The following FARP1 variants were observed in gnomAD, a reference collection of about 807,000 sequenced individuals.
FARP1 encodes the protein FERM, ARH/RhoGEF and pleckstrin domain protein 1, also known as FERM, ARHGEF and pleckstrin domain-containing protein 1.
Under a neutral mutation model 128.8 loss-of-function variants are expected in FARP1, and 52 were observed. That is an observed-to-expected ratio of 0.40 (90% confidence interval 0.32 to 0.51). FARP1 has a LOEUF of 0.51. Ranked by LOEUF, FARP1 falls within the 20% of genes least tolerant of loss-of-function variation. The probability of loss-of-function intolerance (pLI) is 0.45; values close to 1 mark genes in which losing one functional copy is unlikely to be tolerated. For synonymous variants in FARP1, 580 were observed against 551.8 expected, an observed-to-expected ratio of 1.05 and a Z score of -0.72; for missense variants, 1,333 against 1,367.9, an observed-to-expected ratio of 0.97 and a Z score of 0.40.
intron 4 of FARP1, among the ~76,000 whole-genome samples, chr13:98,367,313 C>T (rs550103214): frequency 2.6e-5 from 4 of 152,134 alleles, no homozygotes; most frequent in Admixed American, 6.6e-5. Context: ...CCCGCCACCA[C>T]GCCTGACTAA....
At chr13:98,327,354 G>C (rs1594406535) in intron 2 of FARP1, among the ~76,000 whole-genome samples, 1 of 151,944 alleles carries the variant, frequency 6.6e-6, no homozygotes. Context: ...TCTTACATTT[G>C]CCTTCAATTT....
At chr13:98,348,242 T>G (rs1301007878) in intron 3 of FARP1, among the ~76,000 whole-genome samples, 1 of 152,246 alleles carries the variant, frequency 6.6e-6, no homozygotes, top group East Asian at 1.9e-4. Context: ...TTGGCTCTTG[T>G]CCTGCTCTTG....
intron 26 of FARP1, chr13:98,448,008 T>C (rs4772081): frequency 0.77 from 436,939 of 569,882 alleles, 170,225 homozygotes; most frequent in Non-Finnish European, 0.83. Context: ...GCAGTGTCAC[T>C]GCAGCAAGGT....
At chr13:98,151,389 T>C (rs1354854698) in intron 1 of FARP1, among the ~76,000 whole-genome samples, 1 of 152,116 alleles carries the variant, frequency 6.6e-6, no homozygotes, top group East Asian at 1.9e-4. Flanking sequence ...AGTTTCTCTG[T>C]TTTGGTAGTA....
intron 3 of FARP1, among the ~76,000 whole-genome samples, chr13:98,360,028 G>C (rs888143797): frequency 1.3e-5 from 2 of 151,078 alleles, no homozygotes; most frequent in African/African-American, 4.9e-5. Context: ...CTCCAAAATT[G>C]TGTGTGTTGA....
At position 98,454,061 on chromosome 13, in the gene FARP1, C is replaced by G. The variant is rs1893333065; in HGVS notation, c.*5744C>G. 1 of 152,090 alleles carries G rather than the reference C, an allele frequency of 6.6e-6. No homozygotes were observed. 9.4% of individuals were successfully genotyped at this position (152,090 alleles called of 1,614,324 possible). A position where few individuals can be genotyped will look rare whatever the true frequency, so the allele number is the denominator to read the frequency against. ...GGGATATTCAGCCTGTATATGTGCACTATATAAGTATATTTACATGAACAA... is the reference window on the plus strand; with the variant it reads ...GGGATATTCAGCCTGTATATGTGCAGTATATAAGTATATTTACATGAACAA... On this transcript the variant is annotated 3_prime_UTR_variant, in exon 27 of 27. Transcript: ENST00000319562.
chr13:98,144,217 TG>T (rs202101218), intron 1 of FARP1, among the ~76,000 whole-genome samples: 2,764 of 151,486 alleles, frequency 0.018, 81 homozygotes, highest in African/African-American at 0.063. Flanking sequence ...TGTGTGTGTG[TG>T]TGTGTGTGTT....
At chr13:98,177,207 C>T (rs147920690) in intron 1 of FARP1, 2 of 1,570,234 alleles carry the variant, frequency 1.3e-6, no homozygotes, top group East Asian at 2.3e-5. Flanking sequence ...CTTGGTCGGC[C>T]GTCCTTCCTG....
At chr13:98,389,583 G>GC (rs1890229668) in intron 9 of FARP1, 2 of 170,864 alleles carry the variant, frequency 1.2e-5, no homozygotes, top group African/African-American at 4.8e-5. Flanking sequence ...GATGAACGTT[G>GC]CGTTTCAGTG....
chr13:98,397,191 T>C (rs1890581966), intron 13 of FARP1: 1 of 152,228 alleles, frequency 6.6e-6, no homozygotes, highest in Admixed American at 6.5e-5. Context: ...CATTGGTGGA[T>C]CATATTGTTA....
At chr13:98,392,589 T>C (rs1169857636) in intron 11 of FARP1, among the ~76,000 whole-genome samples, 3 of 152,182 alleles carry the variant, frequency 2.0e-5, no homozygotes, top group African/African-American at 4.8e-5. Flanking sequence ...TGCATCTTGC[T>C]TTTTTAATAC....
intron 2 of FARP1, among the ~76,000 whole-genome samples, chr13:98,214,103 C>T (rs1163792187): frequency 1.3e-5 from 2 of 152,204 alleles, no homozygotes; most frequent in Non-Finnish European, 2.9e-5. Context: ...CAGCTGGAGC[C>T]GTTGGAGCCG....
intron 24 of FARP1, chr13:98,445,887 G>A (rs1434196375): frequency 7.6e-6 from 4 of 523,006 alleles, no homozygotes; most frequent in Non-Finnish European, 1.4e-5. Flanking sequence ...GGGACCCCAA[G>A]ATGCCCCACA....
At chr13:98,236,728 G>A (rs574573696) in intron 2 of FARP1, among the ~76,000 whole-genome samples, 2 of 152,264 alleles carry the variant, frequency 1.3e-5, no homozygotes, top group Admixed American at 6.5e-5. Context: ...GGTGGCTCAC[G>A]CCTGTAATGT....
In FARP1 at chr13:98,384,761, C is replaced by CAG; in HGVS notation, c.533_534dup (p.His179SerfsTer3). 1 of 1,613,286 alleles carries CAG rather than the reference C, an allele frequency of 6.2e-7. No individual in the cohort carries two copies. Among genetic ancestry groups the CAG allele is most frequent in the Non-Finnish European group, 8.5e-7 (1 of 1,179,316 alleles). ...TTGGGGATTTTGATGAAGCCTTGGA[C>CAG]AGAGAGCACTTAGCAAAAAATAAAT... On this transcript the variant is annotated frameshift_variant, in exon 7 of 27. Coordinates refer to ENST00000319562, the MANE Select transcript of FARP1 (RefSeq NM_005766.4). LOFTEE classifies it high-confidence loss of function.
Position 98,395,487 on chromosome 13 carries a change from C to T in FARP1, c.1414+11C>T. 5 of 1,565,936 alleles carry T rather than the reference C, an allele frequency of 3.2e-6. No homozygotes were observed. The highest frequency in any genetic ancestry group is 4.3e-6 in the Non-Finnish European group (5 of 1,150,686). On this transcript the variant is annotated intron_variant, in intron 13 of 26. Transcript: ENST00000319562. ...CGCAGCCAAGCACAGGTCCAGCATC[C>T]CGGGCTGCCAGAGGCAGCAGTACTT... is the stretch of plus-strand genomic sequence containing the variant.
At chr13:98,402,507 A>AT (rs1225592292) in intron 13 of FARP1, 1 of 152,224 alleles carries the variant, frequency 6.6e-6, no homozygotes, top group Non-Finnish European at 1.5e-5. Context: ...GTTATTACTC[A>AT]TAGATGACCT....
chr13:98,172,888 C>T (rs1051444836), intron 1 of FARP1, among the ~76,000 whole-genome samples: 12 of 152,310 alleles, frequency 7.9e-5, no homozygotes, highest in South Asian at 2.1e-4. Context: ...AGCAGATCCA[C>T]GTTATTGTAC....
At chr13:98,416,098 A>G (rs191598445) in intron 16 of FARP1, among the ~76,000 whole-genome samples, 15 of 152,374 alleles carry the variant, frequency 9.8e-5, no homozygotes, top group Non-Finnish European at 2.1e-4. Context: ...TTGCCAAGAC[A>G]ATAGTGTTTC....
Sources: gnomAD v4.1 joint callset for allele counts (sites outside exome capture counted in the v4.1 genomes callset) on GRCh38, gnomAD v4.1.1 for gene constraint, MANE v1.5 for transcripts, NCBI Gene and HGNC (gene_info 2026-07-23, HGNC 2026-07-21) for gene names.